PLCH1: variants seen among roughly 807,000 people sequenced by gnomAD.
PLCH1 encodes phospholipase C eta 1, also known as 1-phosphatidylinositol 4,5-bisphosphate phosphodiesterase eta-1.
In PLCH1, 60 loss-of-function variants were observed where a neutral mutation model predicts 126.7. The observed-to-expected ratio is 0.47, with a 90% CI of 0.38 to 0.59. The LOEUF (loss-of-function observed/expected upper bound fraction) is 0.59, where lower values mean the gene tolerates loss of function less well. Ranked by LOEUF, PLCH1 falls within the 20% of genes least tolerant of loss-of-function variation. The pLI is 0.00. For missense variants in PLCH1, 1,723 were observed against 2,040.0 expected, an observed-to-expected ratio of 0.84 and a Z score of 2.99; for synonymous variants, 719 against 734.9, an observed-to-expected ratio of 0.98 and a Z score of 0.35.
intron 3 of PLCH1, among the ~76,000 whole-genome samples, chr3:155,594,568 A>G (rs1429841534): frequency 6.6e-6 from 1 of 152,144 alleles, no homozygotes; most frequent in Non-Finnish European, 1.5e-5. Context: ...GCAAGATTCC[A>G]TCTCCAAAAA....
intron 14 of PLCH1, among the ~76,000 whole-genome samples, chr3:155,499,197 C>T (rs1022079316): frequency 6.6e-6 from 1 of 152,060 alleles, no homozygotes; most frequent in Non-Finnish European, 1.5e-5. Flanking sequence ...TGTTTATTGG[C>T]CATTTGTATA....
intron 21 of PLCH1, among the ~76,000 whole-genome samples, chr3:155,455,182 T>C (rs1473878979): frequency 1.3e-5 from 2 of 151,824 alleles, no homozygotes; most frequent in Non-Finnish European, 2.9e-5. Flanking sequence ...CAGGGAGGAA[T>C]TGGAGGAAGG....
intron 21 of PLCH1, among the ~76,000 whole-genome samples, chr3:155,463,919 A>G (rs1373511382): frequency 6.6e-6 from 1 of 152,200 alleles, no homozygotes; most frequent in African/African-American, 2.4e-5. Flanking sequence ...ATTTTCCCTA[A>G]GTTCCCTGAT....
chr3:155,522,124 G>C (rs910451050), intron 11 of PLCH1, among the ~76,000 whole-genome samples: 14 of 127,210 alleles, frequency 1.1e-4, no homozygotes, highest in Admixed American at 9.2e-4. Context: ...AAATAGCTGA[G>C]TGAATAATGA....
intron 12 of PLCH1, 65 bp from the exon 13 acceptor site, chr3:155,504,691 G>C (rs766968545): frequency 8.9e-7 from 1 of 1,121,484 alleles, no homozygotes; most frequent in South Asian, 1.3e-5. Flanking sequence ...CCTTAGTTCT[G>C]GTGGAATAGC....
Position 155,481,340 on chromosome 3 carries a change from G to C in PLCH1, c.4686C>G (p.Leu1562=), listed in dbSNP as rs773139178. The C allele has an allele frequency of 9.3e-6, 15 of 1,614,232 alleles. No individual in the cohort carries two copies. The highest frequency in any genetic ancestry group is 1.2e-5 in the Non-Finnish European group (14 of 1,180,036). The change falls in exon 23 of 23, where the codon CTC becomes CTG. Residue 1562 remains leucine (L), a synonymous_variant. Coordinates refer to ENST00000460012, the MANE Select transcript of PLCH1 (RefSeq NM_014996.4). This position sits in a 1 kb window ranked among gnomAD's most constrained non-coding sequence, Gnocchi z 4.2. ...ACAACTTCCTGACCAGTGCCCGGGG[G>C]AGCTGATTGGCATCCTGCTTTGAAT... is the stretch of plus-strand genomic sequence containing the variant. ...VLYSKQDANQ[L]PRALVRKLSS... is the part of the protein sequence containing the mutation.
At position 155,712,523 on chromosome 3, in the gene PLCH1, T is replaced by C. The variant is rs138744519; in HGVS notation, c.-40-8259A>G. Among the ~76,000 whole-genome samples, 373 of 151,878 alleles carry C rather than the reference T, an allele frequency of 2.5e-3. 2 individuals carry two copies. The highest frequency in any genetic ancestry group is 8.3e-3 in the African/African-American group (345 of 41,380). On this transcript the variant is annotated intron_variant, in intron 1 of 22. Transcript: ENST00000460012. ...AAGACAAATTATCCCAGTTCATATA[T>C]GGAAATCAGAATTATAATACTGTGC...
chr3:155,453,046 C>T (rs1486714316), intron 21 of PLCH1, among the ~76,000 whole-genome samples: 2 of 152,128 alleles, frequency 1.3e-5, no homozygotes, highest in Non-Finnish European at 2.9e-5. Flanking sequence ...TGATAGTGAG[C>T]CCCTAAATTC....
chr3:155,544,349 T>C (rs1335679702), intron 10 of PLCH1, among the ~76,000 whole-genome samples: 4 of 152,170 alleles, frequency 2.6e-5, no homozygotes, highest in African/African-American at 2.4e-5. Flanking sequence ...ATCCTAAATA[T>C]ATATGCACCC....
At position 155,683,246 on chromosome 3, in the gene PLCH1, C is replaced by T. The variant is rs115997103; in HGVS notation, c.79+20900G>A. On this transcript the variant is annotated intron_variant, in intron 2 of 22. Transcript: ENST00000460012. ...CTTGATGACTTATTGATCTCCCCTT[C>T]GAGACTCTTGGTTTTCATTATTTTT... Among the ~76,000 whole-genome samples, 268 of 152,192 alleles carry T rather than the reference C, an allele frequency of 1.8e-3. 1 individual carries two copies. Among genetic ancestry groups the T allele is most frequent in the African/African-American group, 6.1e-3 (255 of 41,520 alleles).
intron 12 of PLCH1, 75 bp from the exon 13 acceptor site, chr3:155,504,701 C>T (rs1718408813): frequency 1.1e-6 from 1 of 943,974 alleles, no homozygotes. Flanking sequence ...GGTGGAATAG[C>T]AAGGGGGCCC....
At chr3:155,463,545 A>T (rs887276161) in intron 21 of PLCH1, among the ~76,000 whole-genome samples, 1 of 152,184 alleles carries the variant, frequency 6.6e-6, no homozygotes, top group African/African-American at 2.4e-5. Context: ...ATCCCTCATG[A>T]CCTTGGGCAA....
intron 19 of PLCH1, among the ~76,000 whole-genome samples, chr3:155,489,205 C>T (rs952894850): frequency 6.6e-6 from 1 of 152,180 alleles, no homozygotes; most frequent in African/African-American, 2.4e-5. Flanking sequence ...CACCAAAGAT[C>T]CTGCTGCTGT....
At chr3:155,714,064 G>A (rs1747338212) in intron 1 of PLCH1, among the ~76,000 whole-genome samples, 1 of 152,074 alleles carries the variant, frequency 6.6e-6, no homozygotes. Context: ...AAAACAACAA[G>A]CACTTAGGAA....
At chr3:155,627,382 GC>G (rs1329711838) in intron 2 of PLCH1, among the ~76,000 whole-genome samples, 1 of 152,128 alleles carries the variant, frequency 6.6e-6, no homozygotes, top group Admixed American at 6.5e-5. Flanking sequence ...TGTAATCCCA[GC>G]ACTTTGGGAG....
intron 2 of PLCH1, among the ~76,000 whole-genome samples, chr3:155,645,843 G>A (rs1036490263): frequency 1.3e-5 from 2 of 152,176 alleles, no homozygotes; most frequent in African/African-American, 4.8e-5. Context: ...GAGGTAAAGG[G>A]AATGGGATAA....
intron 12 of PLCH1, among the ~76,000 whole-genome samples, chr3:155,510,706 G>A (rs187096247): frequency 0.023 from 2,089 of 92,684 alleles, 248 homozygotes; most frequent in African/African-American, 0.13. Flanking sequence ...TGGCTTGTAG[G>A]GTTTCTGCCG....
chr3:155,468,373 G>T (rs141413320), intron 21 of PLCH1, among the ~76,000 whole-genome samples: 1 of 152,068 alleles, frequency 6.6e-6, no homozygotes, highest in South Asian at 2.1e-4. Flanking sequence ...ACCAGAAAAC[G>T]AACAACAAAA....
At chr3:155,495,373 A>G (rs1218281516) in intron 15 of PLCH1, among the ~76,000 whole-genome samples, 1 of 152,130 alleles carries the variant, frequency 6.6e-6, no homozygotes, top group African/African-American at 2.4e-5. Context: ...CTTTTGTACC[A>G]TATCTACAAA....
Sources: gnomAD v4.1 joint callset for allele counts (sites outside exome capture counted in the v4.1 genomes callset) on GRCh38, gnomAD v4.1.1 for gene constraint, Gnocchi (gnomAD v3.1) non-coding constraint, MANE v1.5 for transcripts, NCBI Gene and HGNC (gene_info 2026-07-23, HGNC 2026-07-21) for gene names.